LRP1B: variants seen among roughly 807,000 people sequenced by gnomAD.
The protein encoded by LRP1B is low-density lipoprotein receptor-related protein 1B.
In LRP1B, 217 loss-of-function variants were observed where a neutral mutation model predicts 556.6. The ratio of observed to expected loss-of-function variants is 0.39; its 90% confidence interval spans 0.35 to 0.44. The LOEUF is 0.44. Ranked by LOEUF, LRP1B falls within the 20% of genes least tolerant of loss-of-function variation. The pLI is 1.00. For synonymous variants in LRP1B, 2,047 were observed against 1,865.8 expected, an observed-to-expected ratio of 1.10 and a Z score of -2.50; for missense variants, 5,053 against 5,620.8, an observed-to-expected ratio of 0.90 and a Z score of 3.23.
chr2:141,198,587 T>C (rs1189227023), intron 6 of LRP1B, among the ~76,000 whole-genome samples: 1 of 152,088 alleles, frequency 6.6e-6, no homozygotes, highest in Non-Finnish European at 1.5e-5. Flanking sequence ...GATATTCTTA[T>C]GCTTTTTGTT....
chr2:142,104,074 C>T (rs76523685), intron 1 of LRP1B, among the ~76,000 whole-genome samples: 6,557 of 152,222 alleles, frequency 0.043, 230 homozygotes, highest in Non-Finnish European at 0.058. Context: ...AATTCTTTTC[C>T]ACTTCCTTTT....
chr2:140,925,492 A>G (rs553566371), intron 20 of LRP1B, among the ~76,000 whole-genome samples: 5 of 152,276 alleles, frequency 3.3e-5, no homozygotes, highest in Admixed American at 3.3e-4. Flanking sequence ...AAAACAAAAC[A>G]AAACATACCT....
chr2:141,066,406 T>C (rs1317498036), intron 7 of LRP1B, among the ~76,000 whole-genome samples: 2 of 151,950 alleles, frequency 1.3e-5, no homozygotes, highest in African/African-American at 2.4e-5. Context: ...AAATCATAAG[T>C]CACAAAGGGA....
chr2:141,327,748 A>G (rs1199876643), intron 3 of LRP1B, among the ~76,000 whole-genome samples: 2 of 152,168 alleles, frequency 1.3e-5, no homozygotes, highest in African/African-American at 4.8e-5. Flanking sequence ...ATTGCTGGAC[A>G]GAGCAATATA....
intron 77 of LRP1B, among the ~76,000 whole-genome samples, chr2:140,345,805 T>C (rs56383802): frequency 3.1e-5 from 4 of 128,770 alleles, no homozygotes; most frequent in African/African-American, 1.2e-4. Flanking sequence ...TATACATATA[T>C]ACACATATAT....
At chr2:141,407,681 A>G (rs960355377) in intron 3 of LRP1B, among the ~76,000 whole-genome samples, 1 of 152,058 alleles carries the variant, frequency 6.6e-6, no homozygotes, top group African/African-American at 2.4e-5. Flanking sequence ...CTTCTACCAT[A>G]ATTGAAAGCT....
rs187183836 is a variant in LRP1B, at chr2:140,546,886, C to T, written c.7195-4915G>A. On this transcript the variant is annotated intron_variant, in intron 43 of 90. Coordinates refer to ENST00000389484, the MANE Select transcript of LRP1B (RefSeq NM_018557.3). ...TGGGGTGTTGAATTTTATCAAAAGCCTTTTTTGCATCTATTGAGATAATCA... is the reference window on the plus strand; with the variant it reads ...TGGGGTGTTGAATTTTATCAAAAGCTTTTTTTGCATCTATTGAGATAATCA... Among the ~76,000 whole-genome samples, 539 of 152,050 alleles carry T rather than the reference C, an allele frequency of 3.5e-3. 4 individuals carry two copies. Among genetic ancestry groups the T allele is most frequent in the African/African-American group, 0.013 (526 of 41,494 alleles).
At chr2:142,066,717 C>G (rs558046617) in intron 1 of LRP1B, among the ~76,000 whole-genome samples, 42 of 151,534 alleles carry the variant, frequency 2.8e-4, no homozygotes, top group African/African-American at 9.9e-4. Flanking sequence ...TTTTATCATG[C>G]TCTTCAAAAG....
intron 21 of LRP1B, among the ~76,000 whole-genome samples, chr2:140,909,387 A>C (rs1694351458): frequency 6.6e-6 from 1 of 152,036 alleles, no homozygotes; most frequent in South Asian, 2.1e-4. Context: ...AAAATAATTA[A>C]AATATAGGTG....
chr2:141,856,582 T>TC (rs1294761609), intron 1 of LRP1B, among the ~76,000 whole-genome samples: 6 of 152,158 alleles, frequency 3.9e-5, no homozygotes, highest in African/African-American at 1.4e-4. Context: ...TATCCAGACT[T>TC]CAACTATTTT....
chr2:142,016,886 A>G (rs1218728327), intron 1 of LRP1B, among the ~76,000 whole-genome samples: 3 of 149,996 alleles, frequency 2.0e-5, no homozygotes, highest in African/African-American at 7.3e-5. Flanking sequence ...ATATGTGTTT[A>G]TATGTATATA....
intron 1 of LRP1B, among the ~76,000 whole-genome samples, chr2:141,934,721 T>A (rs1700588750): frequency 6.6e-6 from 1 of 152,036 alleles, no homozygotes; most frequent in Admixed American, 6.6e-5. Context: ...TATAAGGGGA[T>A]TTTGTCCCCT....
intron 2 of LRP1B, among the ~76,000 whole-genome samples, chr2:141,573,703 C>A (rs1207973206): frequency 6.7e-6 from 1 of 149,056 alleles, no homozygotes; most frequent in African/African-American, 2.5e-5. Flanking sequence ...AGACCACTAG[C>A]TAGACTCATA....
chr2:141,721,820 C>T (rs1356335255), intron 2 of LRP1B, among the ~76,000 whole-genome samples: 1 of 152,064 alleles, frequency 6.6e-6, no homozygotes, highest in Non-Finnish European at 1.5e-5. Context: ...CCTGAACCAC[C>T]AAAATGTATA....
chr2:141,517,814 T>C (rs1434300760), intron 2 of LRP1B, among the ~76,000 whole-genome samples: 5 of 152,190 alleles, frequency 3.3e-5, no homozygotes, highest in Non-Finnish European at 5.9e-5. Flanking sequence ...CAGGAACTAT[T>C]ATAATAAAGA....
intron 4 of LRP1B, among the ~76,000 whole-genome samples, chr2:141,248,565 G>A (rs1391191261): frequency 6.6e-6 from 1 of 152,100 alleles, no homozygotes; most frequent in Non-Finnish European, 1.5e-5. Context: ...GGCATCATGG[G>A]GATTTCAAAG....
chr2:141,343,409 A>G (rs982897704), intron 3 of LRP1B, among the ~76,000 whole-genome samples: 4 of 152,188 alleles, frequency 2.6e-5, no homozygotes, highest in Admixed American at 2.0e-4. Flanking sequence ...GTATGAATCA[A>G]ATTTTCTTGC....
At chr2:141,270,643 A>C (rs1392239153) in intron 3 of LRP1B, among the ~76,000 whole-genome samples, 1 of 152,098 alleles carries the variant, frequency 6.6e-6, no homozygotes, top group African/African-American at 2.4e-5. Flanking sequence ...TGCATCATGG[A>C]TACACCTAAA....
chr2:141,317,395 C>A (rs1687072414), intron 3 of LRP1B, among the ~76,000 whole-genome samples: 1 of 152,060 alleles, frequency 6.6e-6, no homozygotes, highest in South Asian at 2.1e-4. Flanking sequence ...CAAGCTGTAC[C>A]CTCTGTGTAC....
Sources: allele counts gnomAD v4.1 joint callset (sites outside exome capture counted in the v4.1 genomes callset), GRCh38; gene constraint gnomAD v4.1.1; transcripts MANE v1.5; gene names NCBI Gene and HGNC (gene_info 2026-07-23, HGNC 2026-07-21).